Variants in AGBL1 observed in about 807,000 individuals in gnomAD.
AGBL1 encodes AGBL carboxypeptidase 1.
Under a neutral mutation model 118.9 loss-of-function variants are expected in AGBL1, and 130 were observed. The ratio of observed to expected loss-of-function variants is 1.09; its 90% CI spans 0.95 to 1.26. The LOEUF is 1.26. Ranked by LOEUF, AGBL1 falls within the 50% of genes most tolerant of loss-of-function variation. The pLI is 0.00. For missense variants in AGBL1, 1,584 were observed against 1,298.1 expected, an observed-to-expected ratio of 1.22 and a Z score of -3.38; for synonymous variants, 555 against 478.9, an observed-to-expected ratio of 1.16 and a Z score of -2.08.
chr15:86,771,542 G>A (rs2078181098), intron 22 of AGBL1, among the ~76,000 whole-genome samples: 1 of 151,800 alleles, frequency 6.6e-6, no homozygotes, highest in African/African-American at 2.4e-5. Context: ...TTGGTATGGG[G>A]GAAAGATTAC....
At chr15:86,140,650 G>A (rs1254261193) in intron 1 of AGBL1, among the ~76,000 whole-genome samples, 2 of 152,154 alleles carry the variant, frequency 1.3e-5, no homozygotes, top group Non-Finnish European at 2.9e-5. Context: ...GGAGATAGAA[G>A]GGACTCCAGA....
chr15:86,884,413 T>G (rs953960876), intron 22 of AGBL1, among the ~76,000 whole-genome samples: 1 of 152,244 alleles, frequency 6.6e-6, no homozygotes, highest in African/African-American at 2.4e-5. Flanking sequence ...TCCTGGAATT[T>G]TCCATTCATT....
At chr15:86,123,698 G>A (rs1898230011) in intron 1 of AGBL1, among the ~76,000 whole-genome samples, 1 of 152,186 alleles carries the variant, frequency 6.6e-6, no homozygotes, top group South Asian at 2.1e-4. Flanking sequence ...CCAAACCAAT[G>A]TATATCTTAC....
intron 17 of AGBL1, among the ~76,000 whole-genome samples, chr15:86,311,490 T>A (rs557891690): frequency 4.4e-4 from 67 of 152,360 alleles, no homozygotes; most frequent in African/African-American, 1.5e-3. Context: ...CTTTCTTTTA[T>A]GGTTCTTGGA....
At chr15:86,448,432 C>A (rs74025133) in intron 18 of AGBL1, among the ~76,000 whole-genome samples, 1,590 of 152,210 alleles carry the variant, frequency 0.01, 24 homozygotes, top group African/African-American at 0.037. Flanking sequence ...TAGAGCCATG[C>A]GTAGTTGACT....
At chr15:86,752,544 A>G (rs2077870843) in intron 22 of AGBL1, among the ~76,000 whole-genome samples, 1 of 152,114 alleles carries the variant, frequency 6.6e-6, no homozygotes, top group Non-Finnish European at 1.5e-5. Context: ...TCCCAGATCC[A>G]TGCTTTAGGG....
intron 22 of AGBL1, among the ~76,000 whole-genome samples, chr15:86,723,074 A>G (rs2086754174): frequency 6.6e-6 from 1 of 152,208 alleles, no homozygotes; most frequent in Admixed American, 6.5e-5. Flanking sequence ...AACTAGTTCA[A>G]CCATTGTGGA....
intron 22 of AGBL1, among the ~76,000 whole-genome samples, chr15:86,857,496 C>G (rs1244128253): frequency 1.3e-5 from 2 of 152,192 alleles, no homozygotes; most frequent in Non-Finnish European, 2.9e-5. Flanking sequence ...ATGTGACTCC[C>G]TCTGCATAGA....
chr15:86,868,517 C>T (rs2079670316), intron 22 of AGBL1, among the ~76,000 whole-genome samples: 1 of 152,224 alleles, frequency 6.6e-6, no homozygotes, highest in Admixed American at 6.5e-5. Flanking sequence ...ACAAGGGACA[C>T]ATTCAACTAT....
intron 17 of AGBL1, among the ~76,000 whole-genome samples, chr15:86,305,986 T>C (rs181060022): frequency 6.6e-6 from 1 of 151,924 alleles, no homozygotes; most frequent in African/African-American, 2.4e-5. Context: ...TACTTAATAG[T>C]TTTTAAAATT....
At chr15:86,917,121 G>A (rs1253022938), downstream of AGBL1, among the ~76,000 whole-genome samples, 1 of 152,206 alleles carries the variant, frequency 6.6e-6, no homozygotes. The surrounding 1 kb of genome is among the most constrained non-coding windows in gnomAD (Gnocchi z 4.8). Context: ...TGTTTAAAGT[G>A]CTGTTGGAAG....
At chr15:86,988,356 A>T (rs1172173318) in intron 24 of AGBL1, 1 of 290,704 alleles carries the variant, frequency 3.4e-6, no homozygotes, top group Non-Finnish European at 6.3e-6. Context: ...GTAGATGTTG[A>T]TCTCAATTGG....
chr15:86,643,531 TC>T (rs2085226391), intron 21 of AGBL1, among the ~76,000 whole-genome samples: 1 of 152,146 alleles, frequency 6.6e-6, no homozygotes, highest in African/African-American at 2.4e-5. Context: ...GTCGCTAACT[TC>T]TCTTTTTTTC....
chr15:86,509,231 A>G (rs1596204225), intron 18 of AGBL1, among the ~76,000 whole-genome samples: 1 of 152,106 alleles, frequency 6.6e-6, no homozygotes, highest in South Asian at 2.1e-4. Context: ...AAGTCTCATG[A>G]AAGGGGCGAG....
chr15:86,889,404 G>A (rs2080018397), intron 22 of AGBL1, among the ~76,000 whole-genome samples: 1 of 152,082 alleles, frequency 6.6e-6, no homozygotes, highest in East Asian at 1.9e-4. Context: ...GTTATTTTAA[G>A]TTCTCAAGTA....
chr15:86,555,308 A>G (rs2142272672), intron 21 of AGBL1, among the ~76,000 whole-genome samples: 1 of 152,262 alleles, frequency 6.6e-6, no homozygotes, highest in Admixed American at 6.5e-5. Context: ...AACCCTAAGA[A>G]TACCTGGACC....
chr15:86,230,196 G>A (rs141853960), intron 6 of AGBL1, among the ~76,000 whole-genome samples: 1 of 152,314 alleles, frequency 6.6e-6, no homozygotes, highest in Non-Finnish European at 1.5e-5. Flanking sequence ...TCTAAGTGCT[G>A]AGAGCCGGAT....
chr15:86,258,127 T>C, intron 9 of AGBL1, 96 bp downstream of exon 9: 1 of 1,306,352 alleles, frequency 7.7e-7, no homozygotes, highest in Non-Finnish European at 1.1e-6. Context: ...AGTGTAAATT[T>C]TAAGAACTGA....
chr15:86,783,708 C>G (rs2078368243), intron 22 of AGBL1, among the ~76,000 whole-genome samples: 1 of 152,244 alleles, frequency 6.6e-6, no homozygotes, highest in African/African-American at 2.4e-5. Flanking sequence ...CAGCTCACTG[C>G]AGCCTCCACC....
Sources: allele counts gnomAD v4.1 joint callset (sites outside exome capture counted in the v4.1 genomes callset), GRCh38; gene constraint gnomAD v4.1.1; non-coding constraint Gnocchi (gnomAD v3.1); transcripts MANE v1.5; gene names NCBI Gene and HGNC (gene_info 2026-07-23, HGNC 2026-07-21).